Variants in TTC7B observed in about 807,000 individuals in gnomAD.
TTC7B encodes the protein tetratricopeptide repeat protein 7B.
TTC7B carries 28 observed loss-of-function variants against 106.8 expected under a neutral mutation model. That is an observed-to-expected ratio of 0.26 (90% CI 0.19 to 0.36). The LOEUF is 0.36. Ranked by LOEUF, TTC7B falls within the 10% of genes least tolerant of loss-of-function variation. TTC7B has a pLI of 1.00. For missense variants in TTC7B, 862 were observed against 1,076.4 expected, an observed-to-expected ratio of 0.80 and a Z score of 2.79; for synonymous variants, 405 against 430.6, an observed-to-expected ratio of 0.94 and a Z score of 0.74.
At chr14:90,718,875 C>T (rs966023765) in intron 5 of TTC7B, among the ~76,000 whole-genome samples, 4 of 92,014 alleles carry the variant, frequency 4.3e-5, no homozygotes, top group Non-Finnish European at 1.0e-4. Context: ...AACTTAGGTT[C>T]TACTGATGGG....
intron 17 of TTC7B, chr14:90,605,761 A>G (rs1892613570): frequency 2.4e-6 from 3 of 1,249,894 alleles, no homozygotes; most frequent in Non-Finnish European, 1.0e-6. Context: ...ATCTGACACT[A>G]AAAAAGTGAA....
At chr14:90,736,288 A>G (rs1889523710) in intron 4 of TTC7B, among the ~76,000 whole-genome samples, 1 of 152,022 alleles carries the variant, frequency 6.6e-6, no homozygotes, top group Admixed American at 6.6e-5. Flanking sequence ...TTTTTAAAAA[A>G]AGGGGAGGAG....
chr14:90,544,296 CAT>C (rs1434443422), intron 19 of TTC7B, among the ~76,000 whole-genome samples: 2 of 152,348 alleles, frequency 1.3e-5, no homozygotes, highest in South Asian at 2.1e-4. Flanking sequence ...AATATCCAAA[CAT>C]GTGTCCATGC....
At chr14:90,762,677 G>T (rs769512470) in intron 3 of TTC7B, among the ~76,000 whole-genome samples, 4 of 152,106 alleles carry the variant, frequency 2.6e-5, no homozygotes, top group Non-Finnish European at 4.4e-5. Flanking sequence ...ATATGAGATG[G>T]GCTCCTATTC....
chr14:90,676,976 T>C (rs1886867606), intron 8 of TTC7B, among the ~76,000 whole-genome samples: 2 of 152,160 alleles, frequency 1.3e-5, no homozygotes, highest in South Asian at 4.1e-4. Context: ...ATAGCCAGCC[T>C]CATAGAAGAC....
At chr14:90,689,803 T>C (rs1887398840) in intron 6 of TTC7B, 91 bp from the exon 7 acceptor site, 2 of 1,446,230 alleles carry the variant, frequency 1.4e-6, no homozygotes, top group African/African-American at 2.8e-5. Context: ...TATCATCACA[T>C]TGTGCTAAGC....
At position 90,663,320 on chromosome 14, in the gene TTC7B, T is replaced by C. The variant is rs874542; in HGVS notation, c.1153-4933A>G. The stretch of plus-strand genomic sequence containing the variant: ...CACAACACTACTGCCTCTGAAACTT[T>C]AATTATATTGTGCCACTCACACTTC... On this transcript the variant is annotated intron_variant, in intron 9 of 19. Transcript: ENST00000328459. The surrounding 1 kb of genome is among the most constrained non-coding windows in gnomAD (Gnocchi z 4.5). Among the ~76,000 whole-genome samples, 29,417 of 152,128 alleles carry C rather than the reference T, an allele frequency of 0.19. 2,945 individuals are homozygous for C. Among genetic ancestry groups the C allele is most frequent in the Middle Eastern group, 0.26 (77 of 292 alleles).
At chr14:90,746,324 T>C (rs1327857666) in intron 3 of TTC7B, among the ~76,000 whole-genome samples, 2 of 152,160 alleles carry the variant, frequency 1.3e-5, no homozygotes, top group African/African-American at 4.8e-5. Flanking sequence ...ATCTTCCAAA[T>C]AGTTTGTCCA....
chr14:90,573,701 C>G (rs540513104), intron 19 of TTC7B, among the ~76,000 whole-genome samples: 3 of 152,208 alleles, frequency 2.0e-5, no homozygotes, highest in Non-Finnish European at 4.4e-5. Flanking sequence ...TCAAAGCGGC[C>G]TCACCCCACT....
chr14:90,644,415 C>T (rs866715594), intron 14 of TTC7B, among the ~76,000 whole-genome samples: 1 of 152,120 alleles, frequency 6.6e-6, no homozygotes. Flanking sequence ...AAAGCAGAAG[C>T]CACCTTCAAA....
At position 90,644,243 on chromosome 14, in the gene TTC7B, ACACAC is replaced by A. The variant is rs1885327405; in HGVS notation, c.1591-40_1591-36del. ...AACAAAACCAAAAAAGGTTTTACAT[ACACAC>A]ATGCACACGCACACACACACACACA... is the stretch of plus-strand genomic sequence containing the variant. On this transcript the variant is annotated intron_variant, in intron 14 of 19. Coordinates refer to ENST00000328459, the MANE Select transcript of TTC7B (RefSeq NM_001010854.2). 11 of 270,352 alleles carry A rather than the reference ACACAC, an allele frequency of 4.1e-5. No homozygotes were observed. In the Admixed American group the frequency reaches 1.1e-3, roughly 28 times the overall value. 16.7% of individuals were successfully genotyped at this position (270,352 alleles called of 1,614,324 possible). A position where few individuals can be genotyped will look rare whatever the true frequency, so the allele number is the denominator to read the frequency against.
intron 18 of TTC7B, among the ~76,000 whole-genome samples, chr14:90,581,420 T>C (rs1342137882): frequency 6.6e-6 from 1 of 152,184 alleles, no homozygotes; most frequent in Non-Finnish European, 1.5e-5. Context: ...AATGACACCA[T>C]CGGGCTGTCT....
intron 9 of TTC7B, 136 bp downstream of exon 9, chr14:90,676,387 G>T: frequency 9.5e-7 from 1 of 1,055,064 alleles, no homozygotes; most frequent in Non-Finnish European, 1.4e-6. Context: ...GAAAACCAAA[G>T]TTAAGTGACT....
At chr14:90,545,830 G>C (rs1333288765) in intron 19 of TTC7B, among the ~76,000 whole-genome samples, 1 of 152,240 alleles carries the variant, frequency 6.6e-6, no homozygotes, top group African/African-American at 2.4e-5. Context: ...CACCCTCCGT[G>C]TTGGCCACTA....
At chr14:90,787,600 C>A (rs1259433600) in intron 1 of TTC7B, among the ~76,000 whole-genome samples, 1 of 152,000 alleles carries the variant, frequency 6.6e-6, no homozygotes, top group Non-Finnish European at 1.5e-5. Flanking sequence ...AAAATTAATT[C>A]AAAAAGTCAT....
At chr14:90,562,260 G>C (rs1007261662) in intron 19 of TTC7B, among the ~76,000 whole-genome samples, 1 of 152,090 alleles carries the variant, frequency 6.6e-6, no homozygotes, top group Non-Finnish European at 1.5e-5. Context: ...CCTCATGTTC[G>C]TGAAGGCATC....
At chr14:90,572,195 G>A (rs907578488) in intron 19 of TTC7B, among the ~76,000 whole-genome samples, 4 of 152,148 alleles carry the variant, frequency 2.6e-5, no homozygotes, top group Non-Finnish European at 5.9e-5. Flanking sequence ...CGCATAATGG[G>A]ATGAGATGTT....
At chr14:90,799,137 C>T (rs2030082994) in intron 1 of TTC7B, among the ~76,000 whole-genome samples, 1 of 152,144 alleles carries the variant, frequency 6.6e-6, no homozygotes, top group Non-Finnish European at 1.5e-5. Context: ...TGCTCCAGGT[C>T]CTCAGCATCT....
chr14:90,637,099 G>C (rs1001075175), intron 15 of TTC7B, among the ~76,000 whole-genome samples: 2 of 151,988 alleles, frequency 1.3e-5, no homozygotes, highest in South Asian at 2.1e-4. Context: ...AAAAGTTACT[G>C]GTTGTTTGAA....
Sources: gnomAD v4.1 joint callset for allele counts (sites outside exome capture counted in the v4.1 genomes callset) on GRCh38, gnomAD v4.1.1 for gene constraint, Gnocchi (gnomAD v3.1) non-coding constraint, MANE v1.5 for transcripts, NCBI Gene and HGNC (gene_info 2026-07-23, HGNC 2026-07-21) for gene names.